The following UGT1A10 variants were observed in gnomAD, a reference collection of about 807,000 sequenced individuals.
UGT1A10 encodes the protein UDP-glucuronosyltransferase 1A10.
A neutral mutation model predicts 45.8 loss-of-function variants in UGT1A10; 49 were observed. The ratio of observed to expected loss-of-function variants is 1.07; its 90% CI spans 0.85 to 1.36. The LOEUF is 1.36. Among genes scored for constraint, UGT1A10 ranks in the 40% most tolerant of loss-of-function variants. The pLI is 0.00. For synonymous variants in UGT1A10, 284 were observed against 249.7 expected, an observed-to-expected ratio of 1.14 and a Z score of -1.29; for missense variants, 745 against 668.6, an observed-to-expected ratio of 1.11 and a Z score of -1.26.
At chr2:233,734,703 G>A (rs1251067187) in intron 1 of UGT1A10, among the ~76,000 whole-genome samples, 3 of 151,956 alleles carry the variant, frequency 2.0e-5, no homozygotes, top group Non-Finnish European at 4.4e-5. Flanking sequence ...CAGAGATTCT[G>A]GTATGTTGTG....
At chr2:233,731,500 G>A (rs2078170361) in intron 1 of UGT1A10, among the ~76,000 whole-genome samples, 1 of 152,036 alleles carries the variant, frequency 6.6e-6, no homozygotes. Context: ...TGTTCTTGCT[G>A]TTCAGTTCCC....
At chr2:233,761,241 A>G in intron 1 of UGT1A10, 1 of 1,611,640 alleles carries the variant, frequency 6.2e-7, no homozygotes, top group Non-Finnish European at 8.5e-7. Context: ...TATGCTGAGC[A>G]AGCATTCTGA....
intron 1 of UGT1A10, among the ~76,000 whole-genome samples, chr2:233,665,747 A>T (rs935757775): frequency 2.0e-5 from 3 of 152,210 alleles, no homozygotes; most frequent in African/African-American, 7.2e-5. Context: ...ATATACAGAA[A>T]ATTTAAAAAT....
At chr2:233,711,284 C>G (rs1473595982) in intron 1 of UGT1A10, among the ~76,000 whole-genome samples, 2 of 152,164 alleles carry the variant, frequency 1.3e-5, no homozygotes, top group African/African-American at 4.8e-5. Flanking sequence ...GAGTCCTAGA[C>G]GTGGGAGTAG....
At chr2:233,678,521 T>G (rs1191707329) in intron 1 of UGT1A10, among the ~76,000 whole-genome samples, 5 of 152,108 alleles carry the variant, frequency 3.3e-5, no homozygotes, top group Admixed American at 1.3e-4. Context: ...TTACTGTCTG[T>G]TTTTTTCTCT....
intron 1 of UGT1A10, chr2:233,743,973 G>C (rs1575662575): frequency 7.6e-7 from 1 of 1,312,160 alleles, no homozygotes; most frequent in East Asian, 4.7e-5. Flanking sequence ...AAGGCTGCCA[G>C]CACCCAGGCG....
chr2:233,717,700 C>T (rs781386473), intron 1 of UGT1A10: 1 of 445,996 alleles, frequency 2.2e-6, no homozygotes, highest in Non-Finnish European at 4.5e-6. Flanking sequence ...CTTTCTGGAG[C>T]AGGACGAGCC....
In UGT1A10 at chr2:233,648,123, T is replaced by G. The variant is rs1032179065; in HGVS notation, c.855+10746T>G. The stretch of plus-strand genomic sequence containing the variant: ...AGGAGTTCATGGCTTTTGCCAATGC[T>G]CAATGGGAAGCAGAAGTACGACGCT... On this transcript the variant is annotated intron_variant, in intron 1 of 4. Coordinates refer to ENST00000344644, the MANE Select transcript of UGT1A10 (RefSeq NM_019075.4). 2.0e-5 allele frequency: 28 copies of G among 1,370,594 alleles called. No individual in the cohort carries two copies. The Admixed American group carries it at 6.3e-4, about 31-fold the overall frequency. 84.9% of individuals were successfully genotyped at this position (1,370,594 alleles called of 1,614,324 possible).
intron 1 of UGT1A10, among the ~76,000 whole-genome samples, chr2:233,736,548 C>T (rs547329540): frequency 1.4e-4 from 21 of 152,318 alleles, no homozygotes; most frequent in Admixed American, 5.9e-4. Flanking sequence ...CAGCTTTGCT[C>T]CATTGCTAGC....
intron 1 of UGT1A10, among the ~76,000 whole-genome samples, chr2:233,709,550 C>G (rs1305349902): frequency 6.6e-6 from 1 of 151,946 alleles, no homozygotes; most frequent in Non-Finnish European, 1.5e-5. Flanking sequence ...TATGTAAGTA[C>G]TTATAAATTT....
intron 1 of UGT1A10, among the ~76,000 whole-genome samples, chr2:233,679,760 T>C (rs1320676610): frequency 2.6e-5 from 4 of 152,170 alleles, no homozygotes; most frequent in Non-Finnish European, 5.9e-5. Context: ...CCATCCTTTG[T>C]TGCCATTAAA....
rs898843151 is a variant in UGT1A10 at position 233,691,697 on chromosome 2, G to A, written c.855+54320G>A. On this transcript the variant is annotated intron_variant, in intron 1 of 4. Transcript: ENST00000344644. ...TTGAGAAACCTGAAGCTCAGGAGAG[G>A]AGTCACTCCCCTGGCAGATGGGTGG... 9.0e-6 allele frequency: 6 copies of A among 668,066 alleles called. No individual in the cohort carries two copies. The African/African-American group carries it at 1.2e-4, about 13-fold the overall frequency. The allele number at this position is 668,066 out of a possible 1,614,324, so 41.4% of individuals were successfully genotyped here. A position where few individuals can be genotyped will look rare whatever the true frequency, so the allele number is the denominator to read the frequency against.
At chr2:233,729,583 C>T (rs1274615489) in intron 1 of UGT1A10, 17 of 1,613,918 alleles carry the variant, frequency 1.1e-5, no homozygotes, top group Non-Finnish European at 1.4e-5. Flanking sequence ...TTTAACAGAC[C>T]CCGTTAACCT....
chr2:233,769,226 G>A lies in UGT1A10; in HGVS notation c.1295+787G>A, dbSNP rs934586436. Among the ~76,000 whole-genome samples, 1 of 152,190 alleles carries A rather than the reference G, an allele frequency of 6.6e-6. No individual in the cohort carries two copies. The highest frequency in any genetic ancestry group is 2.4e-5 in the African/African-American group (1 of 41,452). On this transcript the variant is annotated intron_variant, in intron 4 of 4. Transcript: ENST00000344644. The surrounding 1 kb of genome is among the most constrained non-coding windows in gnomAD (Gnocchi z 4.4). ...TCACAGACAAAGTCTTAGAATAAGA[G>A]CAAAGGAAAATTTGCTCAAATGTGG...
At chr2:233,748,529 G>A (rs1353260497) in intron 1 of UGT1A10, among the ~76,000 whole-genome samples, 1 of 151,782 alleles carries the variant, frequency 6.6e-6, no homozygotes, top group Non-Finnish European at 1.5e-5. Context: ...ATGATAGAGA[G>A]GTGACCACAG....
chr2:233,715,048 CT>C lies in UGT1A10; in HGVS notation c.856-51977del, dbSNP rs900393425. On this transcript the variant is annotated intron_variant, in intron 1 of 4. Transcript: ENST00000344644. The stretch of plus-strand genomic sequence containing the variant: ...CATGGCACCACATCCAGCTAATTTT[CT>C]TTTTTTTTGTATTTTTTATGGAGAT... 1.6e-3 allele frequency among the ~76,000 whole-genome samples: 238 copies of C among 151,024 alleles called. 2 individuals carry two copies. The highest frequency in any genetic ancestry group is 5.4e-3 in the African/African-American group (222 of 41,172).
At chr2:233,662,817 GT>G (rs34052709) in intron 1 of UGT1A10, among the ~76,000 whole-genome samples, 51,138 of 139,240 alleles carry the variant, frequency 0.37, 9,489 homozygotes, top group African/African-American at 0.52. Flanking sequence ...TTTGCTGAGA[GT>G]TTTTTTTTTT....
At chr2:233,755,919 G>T (rs1439576672) in intron 1 of UGT1A10, 1 of 148,990 alleles carries the variant, frequency 6.7e-6, no homozygotes, top group Non-Finnish European at 1.5e-5. Context: ...GAGAAGAGTG[G>T]CATCGTTTTA....
intron 1 of UGT1A10, among the ~76,000 whole-genome samples, chr2:233,742,394 T>C (rs553013500): frequency 6.6e-6 from 1 of 152,130 alleles, no homozygotes; most frequent in South Asian, 2.1e-4. Flanking sequence ...GCTCATGTTA[T>C]TATTTGTAGT....
Sources: gnomAD v4.1 joint callset for allele counts (sites outside exome capture counted in the v4.1 genomes callset) on GRCh38, gnomAD v4.1.1 for gene constraint, Gnocchi (gnomAD v3.1) non-coding constraint, MANE v1.5 for transcripts, NCBI Gene and HGNC (gene_info 2026-07-23, HGNC 2026-07-21) for gene names.